Variants in KLF12 observed in about 807,000 individuals in gnomAD.
KLF12 encodes KLF transcription factor 12.
Under a neutral mutation model 37.8 loss-of-function variants are expected in KLF12, and 9 were observed. The ratio of observed to expected loss-of-function variants is 0.24; its 90% CI spans 0.14 to 0.42. The LOEUF (loss-of-function observed/expected upper bound fraction) is 0.42, where lower values mean the gene tolerates loss of function less well. KLF12 is among the 10% of genes least tolerant of loss of function. KLF12 has a pLI of 1.00. For missense variants in KLF12, 411 were observed against 516.0 expected (o/e 0.80, Z 1.97); for synonymous variants, 208 against 202.1 (o/e 1.03, Z -0.25).
At position 73,700,360 on chromosome 13, in the gene KLF12, G is replaced by C. The variant is rs183255852; in HGVS notation, c.1028-4689C>G. On this transcript the variant is annotated intron_variant, in intron 7 of 7. Coordinates refer to ENST00000377669, the MANE Select transcript of KLF12 (RefSeq NM_007249.5). ...ATTTGGGGCTAAGTAACTAATGAAG[G>C]CATGTAATAAGGAATGAAAACCTTT... is the stretch of plus-strand genomic sequence containing the variant. Among the ~76,000 whole-genome samples the C allele has an allele frequency of 3.6e-3, 551 of 151,472 alleles. 5 individuals are homozygous for C. The highest frequency in any genetic ancestry group is 6.8e-3 in the Middle Eastern group (2 of 294).
intron 3 of KLF12, among the ~76,000 whole-genome samples, chr13:73,878,448 TAAGATAAAAATGC>T (rs1231496047): frequency 6.6e-6 from 1 of 152,108 alleles, no homozygotes; most frequent in Admixed American, 6.6e-5. Flanking sequence ...TAAAAGGAAA[TAAGATAAAAATGC>T]AAAGGAAGTA....
rs1029495680 is a variant in KLF12 at position 73,693,393 on chromosome 13, A to G, written c.*2097T>C. The stretch of plus-strand genomic sequence containing the variant: ...GCTAAAGATGCTATTTATCACTAGA[A>G]CTGCAGCCCTTGTTGGAGGGAAATT... On this transcript the variant is annotated 3_prime_UTR_variant, in exon 8 of 8. Coordinates refer to ENST00000377669, the MANE Select transcript of KLF12 (RefSeq NM_007249.5). 6.6e-6 allele frequency: 1 copy of G among 152,242 alleles called. No individual in the cohort carries two copies. The highest frequency in any genetic ancestry group is 1.5e-5 in the Non-Finnish European group (1 of 68,054). 9.4% of individuals were successfully genotyped at this position (152,242 alleles called of 1,614,324 possible). A position where few individuals can be genotyped will look rare whatever the true frequency, so the allele number is the denominator to read the frequency against.
intron 3 of KLF12, among the ~76,000 whole-genome samples, chr13:73,890,608 T>C (rs772584839): frequency 3.3e-5 from 5 of 152,058 alleles, no homozygotes; most frequent in Non-Finnish European, 7.4e-5. Flanking sequence ...TGCAAGGCCA[T>C]TGGTTTAGAC....
the KLF12 span, among the ~76,000 whole-genome samples, chr13:74,265,498 G>C: frequency 2.0e-5 from 3 of 152,120 alleles, no homozygotes; most frequent in African/African-American, 7.2e-5. Context: ...GTCGTTTTCT[G>C]GTGTAAATAT....
intron 1 of KLF12, among the ~76,000 whole-genome samples, chr13:74,063,875 A>G (rs1168434737): frequency 6.6e-6 from 1 of 152,198 alleles, no homozygotes; most frequent in African/African-American, 2.4e-5. Flanking sequence ...CTGATGTTCC[A>G]GTTTCCTAAT....
At chr13:74,159,334 C>A in the KLF12 span, among the ~76,000 whole-genome samples, 59,088 of 152,046 alleles carry the variant, frequency 0.39, 13,150 homozygotes, top group East Asian at 0.78. Context: ...AATTTCATAC[C>A]AAGACAAGTC....
Position 73,717,854 on chromosome 13 carries a change from G to A in KLF12, c.870-2329C>T, listed in dbSNP as rs146224383. ...GGTATATTTTTATCACTGGGTTTGA[G>A]TCCCATGAACAAGTAAGACTGTGTG... On this transcript the variant is annotated intron_variant, in intron 6 of 7. Coordinates refer to ENST00000377669, the MANE Select transcript of KLF12 (RefSeq NM_007249.5). 2.0e-3 allele frequency among the ~76,000 whole-genome samples: 299 copies of A among 152,284 alleles called. 6 individuals carry two copies. Among genetic ancestry groups the A allele is most frequent in the Middle Eastern group, 0.01 (3 of 294 alleles).
the KLF12 span, among the ~76,000 whole-genome samples, chr13:74,252,849 T>C: frequency 6.6e-6 from 1 of 152,160 alleles, no homozygotes; most frequent in Non-Finnish European, 1.5e-5. Flanking sequence ...ACGTTAGAAG[T>C]TCAAGTCACC....
intron 1 of KLF12, among the ~76,000 whole-genome samples, chr13:74,003,847 T>A (rs1285503203): frequency 6.6e-6 from 1 of 152,152 alleles, no homozygotes; most frequent in Non-Finnish European, 1.5e-5. Flanking sequence ...AAAAATTAAA[T>A]AATTTTGAAA....
chr13:73,792,989 A>G (rs1201123996), intron 5 of KLF12, among the ~76,000 whole-genome samples: 2 of 152,206 alleles, frequency 1.3e-5, no homozygotes, highest in African/African-American at 2.4e-5. Flanking sequence ...AGTCTGGCAC[A>G]TGTGTGCTCT....
intron 3 of KLF12, among the ~76,000 whole-genome samples, chr13:73,933,186 G>A (rs1889764086): frequency 6.6e-6 from 1 of 152,122 alleles, no homozygotes; most frequent in Admixed American, 6.5e-5. Flanking sequence ...CTTATTATGA[G>A]ATGCTCAATT....
At chr13:74,225,077 T>C in the KLF12 span, among the ~76,000 whole-genome samples, 9 of 152,140 alleles carry the variant, frequency 5.9e-5, no homozygotes, top group Non-Finnish European at 1.0e-4. Flanking sequence ...AGATTATCAA[T>C]GACATAACAT....
At chr13:74,268,651 T>A in the KLF12 span, among the ~76,000 whole-genome samples, 1 of 152,176 alleles carries the variant, frequency 6.6e-6, no homozygotes, top group Non-Finnish European at 1.5e-5. Context: ...ATGGAATGAT[T>A]TCTCTCAGAG....
chr13:73,824,568 G>A (rs1014560803), intron 4 of KLF12, among the ~76,000 whole-genome samples: 3 of 152,134 alleles, frequency 2.0e-5, no homozygotes, highest in Admixed American at 6.5e-5. Flanking sequence ...CGAGCCAAAA[G>A]AACAGTATTA....
At chr13:73,906,433 C>T (rs990381534) in intron 3 of KLF12, among the ~76,000 whole-genome samples, 3 of 152,168 alleles carry the variant, frequency 2.0e-5, no homozygotes, top group Admixed American at 6.5e-5. Flanking sequence ...TTCTCTTTAG[C>T]TGTGACTCAC....
At chr13:73,884,741 G>A (rs1887138076) in intron 3 of KLF12, among the ~76,000 whole-genome samples, 1 of 152,210 alleles carries the variant, frequency 6.6e-6, no homozygotes, top group Admixed American at 6.5e-5. Context: ...TATTTAATCT[G>A]AATTAATGTA....
chr13:74,276,918 A>T, the KLF12 span, among the ~76,000 whole-genome samples: 1 of 152,058 alleles, frequency 6.6e-6, no homozygotes, highest in African/African-American at 2.4e-5. Context: ...TAGAAAATAA[A>T]GTGACTCTAT....
chr13:74,267,630 T>C, the KLF12 span, among the ~76,000 whole-genome samples: 1 of 152,060 alleles, frequency 6.6e-6, no homozygotes, highest in African/African-American at 2.4e-5. Flanking sequence ...GGTACAAAAT[T>C]ATGGTTATAG....
At chr13:74,172,610 A>T in the KLF12 span, among the ~76,000 whole-genome samples, 2 of 152,046 alleles carry the variant, frequency 1.3e-5, no homozygotes, top group Non-Finnish European at 2.9e-5. Context: ...TGGAAAAAAG[A>T]TCTCTTTCTC....
Sources: gnomAD v4.1 joint callset for allele counts (sites outside exome capture counted in the v4.1 genomes callset) on GRCh38, gnomAD v4.1.1 for gene constraint, MANE v1.5 for transcripts, NCBI Gene and HGNC (gene_info 2026-07-23, HGNC 2026-07-21) for gene names.